Variants in MAST3 observed in about 807,000 individuals in gnomAD.
MAST3 encodes the protein microtubule associated serine/threonine kinase 3.
In MAST3, 43 loss-of-function variants were observed where a neutral mutation model predicts 127.0. That is an observed-to-expected ratio of 0.34 (90% CI 0.27 to 0.44). The LOEUF is 0.44. MAST3 is among the 20% of genes least tolerant of loss of function. The pLI is 1.00. For missense variants in MAST3, 1,390 were observed against 1,919.1 expected (o/e 0.72, Z 5.15); for synonymous variants, 785 against 809.2 (o/e 0.97, Z 0.51).
intron 10 of MAST3, 129 bp from the exon 11 acceptor site, chr19:18,124,513 C>A: frequency 7.2e-7 from 1 of 1,382,284 alleles, no homozygotes; most frequent in Non-Finnish European, 9.9e-7. Flanking sequence ...GTGGGCTTCC[C>A]TAAGGAGGCA....
chr19:18,123,370 C>A lies in MAST3; in HGVS notation c.553C>A (p.Leu185Ile). 1 of 1,610,866 alleles carries A rather than the reference C, an allele frequency of 6.2e-7. No individual in the cohort carries two copies. The change falls in exon 7 of 28, where the codon CTC becomes ATC. Residue 185 changes from leucine (L) to isoleucine (I), a missense_variant. Physicochemically the swap from Leu to Ile is conservative, Grantham distance 5. Coordinates refer to ENST00000687212, the MANE Select transcript of MAST3 (RefSeq NM_001393504.1). ...SPRLRPRSRS[L>I]SPGRATGTFD... ...CCGCCTCCGACCCCGCTCTCGCAGT[C>A]TCAGGTGGGCCGCGACCTCTGGCCC... is the stretch of plus-strand genomic sequence containing the variant.
At chr19:18,101,976 G>T (rs113392940) in intron 1 of MAST3, among the ~76,000 whole-genome samples, 32,374 of 145,020 alleles carry the variant, frequency 0.22, 3,586 homozygotes, top group Non-Finnish European at 0.25. Flanking sequence ...CACCTCCCAG[G>T]TTCATGCCAT....
At position 18,110,507 on chromosome 19, in the gene MAST3, G is replaced by C; in HGVS notation, c.72-145G>C. The C allele has an allele frequency of 7.9e-6, 7 of 884,120 alleles. No individual in the cohort carries two copies. The highest frequency in any genetic ancestry group is 9.5e-6 in the Non-Finnish European group (7 of 737,076). The allele number at this position is 884,120 out of a possible 1,614,324, so 54.8% of individuals were successfully genotyped here. ...CCTCCCGGGCCATCGGTCTGGCCCC[G>C]CCCTCACGTCCTGAGCTGAACCCAG... On this transcript the variant is annotated intron_variant, in intron 2 of 27. Transcript: ENST00000687212. The surrounding 1 kb of genome is among the most constrained non-coding windows in gnomAD (Gnocchi z 4.3).
chr19:18,141,841 C>CCACCG (rs778971989), intron 20 of MAST3, 41 bp from the exon 21 acceptor site: 1 of 1,342,902 alleles, frequency 7.4e-7, no homozygotes, highest in South Asian at 2.0e-5. Flanking sequence ...CAGGCATGAG[C>CCACCG]CACCGCACCC....
intron 25 of MAST3, among the ~76,000 whole-genome samples, chr19:18,146,318 G>A (rs1033324751): frequency 5.3e-5 from 8 of 152,176 alleles, no homozygotes; most frequent in African/African-American, 1.7e-4. Context: ...GGTGGCATGC[G>A]CCTATAGTCC....
At chr19:18,146,530 C>T (rs1301273091) in intron 25 of MAST3, among the ~76,000 whole-genome samples, 1 of 151,986 alleles carries the variant, frequency 6.6e-6, no homozygotes, top group Non-Finnish European at 1.5e-5. Flanking sequence ...GTGTCTTTGG[C>T]CTAATGACTC....
intron 3 of MAST3, chr19:18,117,922 C>G (rs1298685882): frequency 6.1e-6 from 1 of 164,328 alleles, no homozygotes; most frequent in Non-Finnish European, 1.3e-5. Context: ...CCGCCGGCCT[C>G]GCTTCCGCGT....
intron 10 of MAST3, 70 bp downstream of exon 10, chr19:18,124,436 C>T: frequency 6.9e-7 from 1 of 1,448,358 alleles, no homozygotes; most frequent in Non-Finnish European, 9.5e-7. Flanking sequence ...ACAGTCCTGC[C>T]AAGATACAGG....
At chr19:18,099,582 T>G (rs2037379006) in intron 1 of MAST3, among the ~76,000 whole-genome samples, 1 of 152,146 alleles carries the variant, frequency 6.6e-6, no homozygotes, top group Non-Finnish European at 1.5e-5. Context: ...ATAGCCACTG[T>G]CCGGGTTTCA....
intron 20 of MAST3, among the ~76,000 whole-genome samples, chr19:18,139,353 C>T (rs1194103278): frequency 6.6e-6 from 1 of 151,880 alleles, no homozygotes; most frequent in Non-Finnish European, 1.5e-5. Context: ...GAGATGGAGT[C>T]TCGCTCTGTT....
chr19:18,142,471 C>T (rs867788509), intron 21 of MAST3, among the ~76,000 whole-genome samples: 1 of 151,376 alleles, frequency 6.6e-6, no homozygotes, highest in African/African-American at 2.4e-5. Flanking sequence ...CCTGCCTCAG[C>T]CTCCCGAGTA....
rs2042932052 is a variant in MAST3, at chr19:18,145,489, C to G, written c.3040-254C>G. Among the ~76,000 whole-genome samples, 1 of 152,220 alleles carries G rather than the reference C, an allele frequency of 6.6e-6. No homozygotes were observed. Among genetic ancestry groups the G allele is most frequent in the African/African-American group, 2.4e-5 (1 of 41,458 alleles). ...GGACGCACTGGGCATGTTATCCTCC[C>G]TCTCCCAGCCCAAGGGCGTCGAGGC... On this transcript the variant is annotated intron_variant, in intron 24 of 27. Coordinates refer to ENST00000687212, the MANE Select transcript of MAST3 (RefSeq NM_001393504.1). The surrounding 1 kb of genome is among the most constrained non-coding windows in gnomAD (Gnocchi z 5.9).
rs2042774410 is a variant in MAST3 at position 18,143,954 on chromosome 19, C to A, written c.2531C>A (p.Pro844His). The A allele has an allele frequency of 6.2e-7, 1 of 1,605,386 alleles. No homozygotes were observed. Among genetic ancestry groups the A allele is most frequent in the East Asian group, 2.2e-5 (1 of 44,566 alleles). ...AGGCCCGTCTTCATTCTAGGGGAGC[C>A]TGACCCCCCACCAGCGGCCACCCCA... ...PKRPVFILGE[P>H]DPPPAATPVM... Residue 844 changes from proline (P) to histidine (H), a missense_variant, in exon 22 of 28, where the codon CCT becomes CAT. By Grantham distance (77) the Pro-to-His change is moderately conservative. Coordinates refer to ENST00000687212, the MANE Select transcript of MAST3 (RefSeq NM_001393504.1).
At chr19:18,127,365 T>C (rs1290731757) in intron 11 of MAST3, among the ~76,000 whole-genome samples, 1 of 151,688 alleles carries the variant, frequency 6.6e-6, no homozygotes, top group Non-Finnish European at 1.5e-5. Flanking sequence ...CTGGCCAACA[T>C]GGTGAAACCC....
At position 18,107,605 on chromosome 19, in the gene MAST3, C is replaced by T. The variant is rs1423581567; in HGVS notation, c.58C>T (p.Arg20Cys). The T allele has an allele frequency of 1.9e-6, 3 of 1,612,720 alleles. No individual in the cohort carries two copies. Among genetic ancestry groups the T allele is most frequent in the Non-Finnish European group, 2.5e-6 (3 of 1,179,404 alleles). The change falls in exon 2 of 28, where the codon CGC becomes TGC. Residue 20 changes from arginine (R) to cysteine (C), a missense_variant. Transcript: ENST00000687212. ...RGLQKELSLP[R>C]RGRGLSPSSQ... ...ATTGCAGAAGGAGCTGAGCCTGCCA[C>T]GCCGAGGACGTGGGTGAGTTCACCT... is the stretch of plus-strand genomic sequence containing the variant.
At position 18,144,536 on chromosome 19, in the gene MAST3, G is replaced by A; in HGVS notation, c.2655G>A (p.Arg885=). ...NSIGARHSTP[R]PLDAGRGRRL... is the part of the protein sequence containing the mutation. ...TCGGCGCCCGACACTCCACACCAAG[G>A]CCTCTGGATGCCGGCCGGGGCCGCC... Residue 885 remains arginine (R), a synonymous_variant, in exon 23 of 28, where the codon AGG becomes AGA. Coordinates refer to ENST00000687212, the MANE Select transcript of MAST3 (RefSeq NM_001393504.1). The surrounding 1 kb of genome is among the most constrained non-coding windows in gnomAD (Gnocchi z 4.0). The A allele has an allele frequency of 6.2e-7, 1 of 1,610,600 alleles. No individual in the cohort carries two copies. Among genetic ancestry groups the A allele is most frequent in the African/African-American group, 1.3e-5 (1 of 75,032 alleles).
Position 18,149,682 on chromosome 19 carries a change from G to A in MAST3, c.4000G>A (p.Glu1334Lys), listed in dbSNP as rs2043389991. Reference sequence around the variant, plus strand: ...AGTGCCACAGATCGCCGTGGAGGGCGAGGAAGCCGTGCCAGTAGCTCTCGG... The same window carrying A: ...AGTGCCACAGATCGCCGTGGAGGGCAAGGAAGCCGTGCCAGTAGCTCTCGG... ...TSVPQIAVEG[E>K]EAVPVALGPT... is the part of the protein sequence containing the mutation. Residue 1334 changes from glutamate to lysine, a missense_variant, in exon 28 of 28, where the codon GAG becomes AAG. Physicochemically the swap from Glu to Lys is moderately conservative, Grantham distance 56. Coordinates refer to ENST00000687212, the MANE Select transcript of MAST3 (RefSeq NM_001393504.1). The surrounding 1 kb of genome is among the most constrained non-coding windows in gnomAD (Gnocchi z 5.9). 16 of 1,612,878 alleles carry A rather than the reference G, an allele frequency of 9.9e-6. No individual in the cohort carries two copies. Among genetic ancestry groups the A allele is most frequent in the Middle Eastern group, 1.6e-4 (1 of 6,082 alleles).
chr19:18,123,390 T>C lies in MAST3; in HGVS notation c.557+16T>C, dbSNP rs542649342. ...GCAGTCTCAGGTGGGCCGCGACCTC[T>C]GGCCCCAGCCCCGGCCCCTCCCTGG... On this transcript the variant is annotated intron_variant, in intron 7 of 27. Coordinates refer to ENST00000687212, the MANE Select transcript of MAST3 (RefSeq NM_001393504.1). 1.9e-6 allele frequency: 3 copies of C among 1,603,860 alleles called. No homozygotes were observed. Among genetic ancestry groups the C allele is most frequent in the African/African-American group, 1.3e-5 (1 of 74,932 alleles).
chr19:18,123,079 G>A (rs567600190), intron 6 of MAST3, 138 bp from the exon 7 acceptor site: 1 of 911,252 alleles, frequency 1.1e-6, no homozygotes, highest in African/African-American at 1.6e-5. Context: ...TTTGAGGGAT[G>A]CATAGGAGCT....
Sources: allele counts gnomAD v4.1 joint callset (sites outside exome capture counted in the v4.1 genomes callset), GRCh38; gene constraint gnomAD v4.1.1; non-coding constraint Gnocchi (gnomAD v3.1); transcripts MANE v1.5; gene names NCBI Gene and HGNC (gene_info 2026-07-23, HGNC 2026-07-21).